Variants in METTL25 observed in about 807,000 individuals in gnomAD.
METTL25 encodes the protein probable methyltransferase-like protein 25.
METTL25 carries 64 observed loss-of-function variants against 71.6 expected under a neutral mutation model. The ratio of observed to expected loss-of-function variants is 0.89; its 90% CI spans 0.73 to 1.10. The LOEUF (loss-of-function observed/expected upper bound fraction) is 1.10. Among genes scored for constraint, METTL25 ranks in the 50% least tolerant of loss-of-function variants. The pLI is 0.00. For missense variants in METTL25, 807 were observed against 707.0 expected (o/e 1.14, Z -1.60); for synonymous variants, 287 against 250.3 (o/e 1.15, Z -1.38).
chr12:82,407,900 ACTCCAT>A (rs1315079019), intron 5 of METTL25: 3 of 984,748 alleles, frequency 3.0e-6, no homozygotes, highest in Admixed American at 6.1e-5. Flanking sequence ...TCTTTCCAAC[ACTCCAT>A]CTCCATTTTT....
chr12:82,389,392 T>C (rs1046123495), intron 2 of METTL25, among the ~76,000 whole-genome samples: 10 of 152,148 alleles, frequency 6.6e-5, no homozygotes, highest in African/African-American at 2.4e-4. Context: ...TTAAGTTTTT[T>C]TCCCCACTTT....
chr12:82,435,209 A>G (rs1000778121), intron 7 of METTL25, among the ~76,000 whole-genome samples: 8 of 151,452 alleles, frequency 5.3e-5, no homozygotes, highest in African/African-American at 1.9e-4. Context: ...ATATCCATGT[A>G]ATTGTCTTAT....
At chr12:82,430,492 T>A (rs1174403914) in intron 5 of METTL25, among the ~76,000 whole-genome samples, 2 of 151,718 alleles carry the variant, frequency 1.3e-5, no homozygotes, top group South Asian at 2.1e-4. Context: ...TATATTGTCC[T>A]ATAATAAATT....
intron 1 of METTL25, among the ~76,000 whole-genome samples, chr12:82,375,625 C>G (rs966336258): frequency 6.6e-6 from 1 of 152,138 alleles, no homozygotes; most frequent in African/African-American, 2.4e-5. Context: ...TGAGATGTTT[C>G]AAGTGTAAAC....
At chr12:82,380,040 A>G (rs1340673351) in intron 1 of METTL25, among the ~76,000 whole-genome samples, 1 of 152,200 alleles carries the variant, frequency 6.6e-6, no homozygotes, top group East Asian at 1.9e-4. Flanking sequence ...ATAAATTTGG[A>G]AAGTTGATCC....
Position 82,358,779 on chromosome 12 carries a change from C to T in METTL25, c.214C>T (p.Leu72=), listed in dbSNP as rs1288656722. 1.2e-6 allele frequency: 2 copies of T among 1,613,662 alleles called. No individual in the cohort carries two copies. Among genetic ancestry groups the T allele is most frequent in the African/African-American group, 1.3e-5 (1 of 74,910 alleles). ...LRKSASETEA[L]PSETRPLVEA... is the part of the protein sequence containing the mutation. ...GAAGTCAGCGTCGGAGACGGAGGCC[C>T]TGCCCTCAGAGACGCGCCCCCTAGT... is the stretch of plus-strand genomic sequence containing the variant. Residue 72 remains leucine (L), a synonymous_variant, in exon 1 of 12, where the codon CTG becomes TTG. Transcript: ENST00000248306.
chr12:82,419,457 A>G (rs369699003), intron 5 of METTL25, among the ~76,000 whole-genome samples: 2 of 152,250 alleles, frequency 1.3e-5, no homozygotes, highest in African/African-American at 4.8e-5. Context: ...CATCAATGCT[A>G]TGTCTGAAGT....
rs201749073 is a variant in METTL25 at position 82,386,429 on chromosome 12, TCCTC to T, written c.260-349_260-346del. Among the ~76,000 whole-genome samples, 345 of 143,508 alleles carry T rather than the reference TCCTC, an allele frequency of 2.4e-3. 2 individuals are homozygous for T. Among genetic ancestry groups the T allele is most frequent in the Middle Eastern group, 7.2e-3 (2 of 276 alleles). 94.1% of individuals were successfully genotyped at this position (143,508 alleles called of 152,430 possible). A position where few individuals can be genotyped will look rare whatever the true frequency, so the allele number is the denominator to read the frequency against. ...TTTTAACCAACCTACCTTCCTTCCT[TCCTC>T]CCTCCCTCCCTCCCTCCCTCCCTCT... On this transcript the variant is annotated intron_variant, in intron 1 of 11. Transcript: ENST00000248306.
At chr12:82,463,596 G>A (rs1031728919) in intron 9 of METTL25, among the ~76,000 whole-genome samples, 1 of 151,898 alleles carries the variant, frequency 6.6e-6, no homozygotes, top group Non-Finnish European at 1.5e-5. Flanking sequence ...TTGAGTAAAT[G>A]CCAAGTAGTG....
intron 5 of METTL25, among the ~76,000 whole-genome samples, chr12:82,425,599 G>C (rs1049375895): frequency 6.6e-6 from 1 of 152,060 alleles, no homozygotes; most frequent in Non-Finnish European, 1.5e-5. Flanking sequence ...AGGGAAACAA[G>C]AGCTGCTGCT....
In METTL25 at chr12:82,358,669, A is replaced by G. The variant is rs761750644; in HGVS notation, c.104A>G (p.Asn35Ser). 1.9e-6 allele frequency: 3 copies of G among 1,614,154 alleles called. No individual in the cohort carries two copies. Among genetic ancestry groups the G allele is most frequent in the East Asian group, 2.2e-5 (1 of 44,876 alleles). ...CTGAGGGATGCCCTGTCCATTTCCA[A>G]TGCACATACCGTGGATTTCTACACA... is the stretch of plus-strand genomic sequence containing the variant. ...QFLRDALSIS[N>S]AHTVDFYTES... The change falls in exon 1 of 12, where the codon AAT becomes AGT. Residue 35 changes from asparagine to serine, a missense_variant. Asn to Ser is a conservative substitution (Grantham distance 46). Transcript: ENST00000248306.
At chr12:82,370,539 T>A (rs1319085344) in intron 1 of METTL25, among the ~76,000 whole-genome samples, 4 of 152,208 alleles carry the variant, frequency 2.6e-5, no homozygotes, top group African/African-American at 9.6e-5. Flanking sequence ...GAGTCCTCCT[T>A]TCTCAGCAGT....
intron 5 of METTL25, among the ~76,000 whole-genome samples, chr12:82,426,737 C>T (rs1005959305): frequency 7.2e-5 from 11 of 151,954 alleles, no homozygotes; most frequent in Admixed American, 5.3e-4. Flanking sequence ...GTGATGGCTC[C>T]CTTGCTGGCT....
At chr12:82,363,069 G>T (rs1882142966) in intron 1 of METTL25, among the ~76,000 whole-genome samples, 1 of 152,174 alleles carries the variant, frequency 6.6e-6, no homozygotes, top group Non-Finnish European at 1.5e-5. Context: ...AAAATTCAGA[G>T]ATCGGAGCAG....
intron 5 of METTL25, among the ~76,000 whole-genome samples, chr12:82,423,580 G>C (rs1002390761): frequency 6.6e-6 from 1 of 152,170 alleles, no homozygotes; most frequent in African/African-American, 2.4e-5. Flanking sequence ...CACAGCAAAA[G>C]AAACTACCAT....
At chr12:82,361,074 T>G (rs1592567533) in intron 1 of METTL25, among the ~76,000 whole-genome samples, 2 of 152,126 alleles carry the variant, frequency 1.3e-5, no homozygotes, top group Non-Finnish European at 2.9e-5. Context: ...TCTGCTTTTA[T>G]TCTCTTATCT....
chr12:82,450,990 A>G (rs1261277303), intron 8 of METTL25, among the ~76,000 whole-genome samples: 1 of 152,102 alleles, frequency 6.6e-6, no homozygotes, highest in Non-Finnish European at 1.5e-5. Flanking sequence ...TTAATAGTAC[A>G]TGTTTTATTT....
intron 1 of METTL25, among the ~76,000 whole-genome samples, chr12:82,367,994 G>C (rs748554923): frequency 6.6e-6 from 1 of 151,984 alleles, no homozygotes; most frequent in Non-Finnish European, 1.5e-5. Flanking sequence ...TTGTCTGAAA[G>C]GTCTCCATAA....
At chr12:82,448,747 C>A (rs758847004) in intron 8 of METTL25, among the ~76,000 whole-genome samples, 56 of 152,136 alleles carry the variant, frequency 3.7e-4, no homozygotes, top group Non-Finnish European at 7.7e-4. Context: ...TAGAAGGTAT[C>A]TTTTAAACTG....
Sources: gnomAD v4.1 joint callset for allele counts (sites outside exome capture counted in the v4.1 genomes callset) on GRCh38, gnomAD v4.1.1 for gene constraint, MANE v1.5 for transcripts, NCBI Gene and HGNC (gene_info 2026-07-23, HGNC 2026-07-21) for gene names.